The following CTNNA3 variants were observed in gnomAD, a reference collection of about 807,000 sequenced individuals.
CTNNA3 encodes the protein catenin alpha-3.
Under a neutral mutation model 95.7 loss-of-function variants are expected in CTNNA3, and 76 were observed. That is an observed-to-expected ratio of 0.79 (90% CI 0.66 to 0.96). The LOEUF is 0.96. CTNNA3 is among the 40% of genes least tolerant of loss of function. The pLI is 0.00. For missense variants in CTNNA3, 1,191 were observed against 1,089.8 expected (o/e 1.09, Z -1.31); for synonymous variants, 431 against 374.4 (o/e 1.15, Z -1.74).
chr10:66,457,091 C>A (rs900465466), intron 11 of CTNNA3, among the ~76,000 whole-genome samples: 33 of 151,954 alleles, frequency 2.2e-4, no homozygotes, highest in Non-Finnish European at 4.4e-5. Flanking sequence ...GAGACCCTGT[C>A]TCAAAAAATG....
At chr10:67,645,214 C>T (rs1336063863) in intron 2 of CTNNA3, among the ~76,000 whole-genome samples, 1 of 152,078 alleles carries the variant, frequency 6.6e-6, no homozygotes, top group African/African-American at 2.4e-5. Flanking sequence ...CACACACACA[C>T]TGTGACTAGC....
intron 7 of CTNNA3, among the ~76,000 whole-genome samples, chr10:67,095,738 A>T (rs1002197759): frequency 6.6e-6 from 1 of 151,806 alleles, no homozygotes; most frequent in African/African-American, 2.4e-5. Flanking sequence ...AATCCTACAG[A>T]TATATGACCC....
chr10:66,103,161 T>TCC lies in CTNNA3; in HGVS notation c.1972_1973insGG (p.Asp658GlyfsTer6). 1 of 1,612,898 alleles carries TCC rather than the reference T, an allele frequency of 6.2e-7. No homozygotes were observed. The highest frequency in any genetic ancestry group is 8.5e-7 in the Non-Finnish European group (1 of 1,178,866). ...CCACCAGTTGAAGTGACATACCCTATCAGTTTTCCCTTCGGTCTGAATGCT... is the reference window on the plus strand; with the variant it reads ...CCACCAGTTGAAGTGACATACCCTATCCCAGTTTTCCCTTCGGTCTGAATGCT... On this transcript the variant is annotated frameshift_variant, in exon 14 of 18. Coordinates refer to ENST00000433211, the MANE Select transcript of CTNNA3 (RefSeq NM_013266.4). LOFTEE classifies it high-confidence loss of function.
chr10:67,101,109 T>A (rs1199244469), intron 7 of CTNNA3, among the ~76,000 whole-genome samples: 1 of 151,806 alleles, frequency 6.6e-6, no homozygotes, highest in Non-Finnish European at 1.5e-5. Flanking sequence ...ACAAGTCACA[T>A]ATTTCTTAAC....
intron 15 of CTNNA3, among the ~76,000 whole-genome samples, chr10:66,022,064 C>T (rs936450674): frequency 1.3e-5 from 2 of 151,636 alleles, no homozygotes; most frequent in Non-Finnish European, 2.9e-5. Context: ...TGCTATGCTG[C>T]CAAGGCTGTT....
chr10:65,949,410 C>T lies in CTNNA3; in HGVS notation c.2400+17202G>A, dbSNP rs2077574396. Among the ~76,000 whole-genome samples, 3 of 152,244 alleles carry T rather than the reference C, an allele frequency of 2.0e-5. No homozygotes were observed. The South Asian group carries it at 6.2e-4, about 32-fold the overall frequency. On this transcript the variant is annotated intron_variant, in intron 17 of 17. Transcript: ENST00000433211. ...ATAAATGTGTCAATAAGAGTATTCACCAAATCAGCAAATACTCCTGTCACC... is the reference window on the plus strand; with the variant it reads ...ATAAATGTGTCAATAAGAGTATTCATCAAATCAGCAAATACTCCTGTCACC...
intron 2 of CTNNA3, among the ~76,000 whole-genome samples, chr10:67,642,445 C>T (rs554789831): frequency 2.8e-4 from 43 of 152,234 alleles, no homozygotes; most frequent in African/African-American, 8.4e-4. Context: ...CAGCTGGGTG[C>T]GGTGGCTCAT....
At chr10:67,626,564 A>G (rs1838963613) in intron 2 of CTNNA3, among the ~76,000 whole-genome samples, 1 of 152,156 alleles carries the variant, frequency 6.6e-6, no homozygotes, top group Non-Finnish European at 1.5e-5. Context: ...AGGGATCTAG[A>G]TGGGACTTTG....
intron 13 of CTNNA3, among the ~76,000 whole-genome samples, chr10:66,146,182 C>T (rs1379590087): frequency 3.3e-5 from 5 of 152,070 alleles, no homozygotes; most frequent in Non-Finnish European, 7.4e-5. Flanking sequence ...CAGCTTTATA[C>T]TATGAGGTGA....
chr10:66,590,620 G>A (rs539157689), intron 10 of CTNNA3, among the ~76,000 whole-genome samples: 7 of 152,114 alleles, frequency 4.6e-5, no homozygotes, highest in South Asian at 2.1e-4. Flanking sequence ...GATTCAGTGA[G>A]GGTAATTTCA....
At chr10:67,675,740 G>C (rs932895186) in intron 1 of CTNNA3, among the ~76,000 whole-genome samples, 1 of 152,090 alleles carries the variant, frequency 6.6e-6, no homozygotes, top group African/African-American at 2.4e-5. Flanking sequence ...ATGGATATAG[G>C]GAGCAAGAGG....
At chr10:67,550,645 T>C (rs946753632) in intron 3 of CTNNA3, among the ~76,000 whole-genome samples, 4 of 148,822 alleles carry the variant, frequency 2.7e-5, no homozygotes, top group Non-Finnish European at 4.4e-5. Flanking sequence ...AAAGAAATTC[T>C]TTTATTAAAG....
At chr10:67,094,556 A>T (rs566224302) in intron 7 of CTNNA3, among the ~76,000 whole-genome samples, 1 of 151,814 alleles carries the variant, frequency 6.6e-6, no homozygotes, top group South Asian at 2.1e-4. Flanking sequence ...GGTTCTTCAT[A>T]TTGTCAAGCA....
chr10:67,130,185 C>T (rs1325983211), intron 7 of CTNNA3, among the ~76,000 whole-genome samples: 1 of 152,036 alleles, frequency 6.6e-6, no homozygotes, highest in East Asian at 1.9e-4. Flanking sequence ...TATGAACCTC[C>T]TTCCACTACT....
chr10:65,948,694 A>G (rs2077563359), intron 17 of CTNNA3, among the ~76,000 whole-genome samples: 1 of 152,162 alleles, frequency 6.6e-6, no homozygotes. Flanking sequence ...GTCTATTTGA[A>G]CATTTCTGTC....
At chr10:66,358,646 C>A (rs997173686) in intron 12 of CTNNA3, among the ~76,000 whole-genome samples, 2 of 152,110 alleles carry the variant, frequency 1.3e-5, no homozygotes, top group Admixed American at 6.5e-5. Flanking sequence ...TTCAAGGACA[C>A]AATACTTGAA....
chr10:66,121,465 C>CCT (rs765584258), intron 13 of CTNNA3, among the ~76,000 whole-genome samples: 3 of 151,192 alleles, frequency 2.0e-5, no homozygotes, highest in Non-Finnish European at 4.4e-5. Flanking sequence ...ATACAACATA[C>CCT]ATACACACAC....
chr10:66,430,294 G>A (rs2093282553), intron 11 of CTNNA3, among the ~76,000 whole-genome samples: 1 of 152,140 alleles, frequency 6.6e-6, no homozygotes, highest in South Asian at 2.1e-4. Flanking sequence ...CTCATGGACA[G>A]GAAGAATCAA....
At chr10:66,060,956 A>G (rs1177951885) in intron 15 of CTNNA3, among the ~76,000 whole-genome samples, 6 of 152,110 alleles carry the variant, frequency 3.9e-5, no homozygotes, top group Admixed American at 3.9e-4. Context: ...TTTCTGGGAA[A>G]GAAAGTGATT....
Sources: allele counts gnomAD v4.1 joint callset (sites outside exome capture counted in the v4.1 genomes callset), GRCh38; gene constraint gnomAD v4.1.1; transcripts MANE v1.5; gene names NCBI Gene and HGNC (gene_info 2026-07-23, HGNC 2026-07-21).